NPNT: variants seen among roughly 807,000 people sequenced by gnomAD.
NPNT encodes the protein preosteoblast EGF-like repeat protein with MAM domain.
NPNT carries 45 observed loss-of-function variants against 68.6 expected under a neutral mutation model. That is an observed-to-expected ratio of 0.66 (90% CI 0.52 to 0.84). NPNT has a LOEUF of 0.84. NPNT is among the 40% of genes least tolerant of loss of function. The probability of loss-of-function intolerance (pLI) is 0.00; values close to 1 mark genes in which losing one functional copy is unlikely to be tolerated. For missense variants in NPNT, 672 were observed against 714.8 expected, an observed-to-expected ratio of 0.94 and a Z score of 0.68; for synonymous variants, 233 against 253.3, an observed-to-expected ratio of 0.92 and a Z score of 0.76.
chr4:105,966,820 G>T (rs956818351), intron 10 of NPNT, among the ~76,000 whole-genome samples: 4 of 152,066 alleles, frequency 2.6e-5, no homozygotes, highest in East Asian at 3.9e-4. Context: ...AAGCCAGATC[G>T]CCAGGGGTGT....
At chr4:105,897,841 A>G in intron 1 of NPNT, 60 bp from the exon 2 acceptor site, 1 of 1,344,726 alleles carries the variant, frequency 7.4e-7, no homozygotes, top group Non-Finnish European at 1.1e-6. Flanking sequence ...AATAATACAG[A>G]GGAAATTACC....
chr4:105,968,830 G>T, intron 11 of NPNT, 65 bp from the exon 12 acceptor site: 1 of 878,642 alleles, frequency 1.1e-6, no homozygotes, highest in Non-Finnish European at 1.8e-6. Flanking sequence ...CTTTATTTTT[G>T]CTTAATAAGG....
chr4:105,969,924 A>T lies in NPNT; in HGVS notation c.*934A>T, dbSNP rs1360290382. ...TTTAGAACTGTCACTGTTTCAAGTT[A>T]CACTTTAAAACCACAGCTTTTACCA... On this transcript the variant is annotated 3_prime_UTR_variant, in exon 12 of 12. Transcript: ENST00000379987. 6.5e-6 allele frequency: 1 copy of T among 154,546 alleles called. No homozygotes were observed. The highest frequency in any genetic ancestry group is 1.9e-4 in the East Asian group (1 of 5,242). 9.6% of individuals were successfully genotyped at this position (154,546 alleles called of 1,614,324 possible).
intron 2 of NPNT, among the ~76,000 whole-genome samples, chr4:105,900,838 T>G (rs1483930159): frequency 2.0e-5 from 3 of 150,648 alleles, no homozygotes; most frequent in Non-Finnish European, 4.4e-5. Flanking sequence ...TTGGTTGTTT[T>G]TTTTTTTTTT....
At chr4:105,918,604 T>C (rs1447571105) in intron 2 of NPNT, among the ~76,000 whole-genome samples, 1 of 152,190 alleles carries the variant, frequency 6.6e-6, no homozygotes, top group Non-Finnish European at 1.5e-5. Flanking sequence ...GTGTAATTAA[T>C]CACTGCCTGT....
intron 2 of NPNT, among the ~76,000 whole-genome samples, chr4:105,926,396 G>A (rs1397616207): frequency 2.0e-5 from 3 of 152,098 alleles, no homozygotes; most frequent in Non-Finnish European, 4.4e-5. Flanking sequence ...AGTCTGGCAC[G>A]ATGACATTTT....
rs1578557304 is a variant in NPNT at position 105,895,963 on chromosome 4, C to T, written c.71+240C>T. ...CATCCGCGGCCCCCCGAGGGCGACT[C>T]GCCCCGGCTCGGGAATTAGGACTGA... On this transcript the variant is annotated intron_variant, in intron 1 of 11. Coordinates refer to ENST00000379987, the MANE Select transcript of NPNT (RefSeq NM_001033047.3). 7.3e-6 allele frequency: 4 copies of T among 545,166 alleles called. 1 individual carries two copies. The South Asian group carries it at 8.9e-5, about 12-fold the overall frequency. 33.8% of individuals were successfully genotyped at this position (545,166 alleles called of 1,614,324 possible). A position where few individuals can be genotyped will look rare whatever the true frequency, so the allele number is the denominator to read the frequency against.
rs183230832 is a variant in NPNT at position 105,933,946 on chromosome 4, T to G, written c.266-3063T>G. ...GTGGTTTATTGTAAAGTTCTATCCT[T>G]TAGTATAAGATAAGCACATGAAATA... On this transcript the variant is annotated intron_variant, in intron 3 of 11. Transcript: ENST00000379987. Among the ~76,000 whole-genome samples the G allele has an allele frequency of 1.8e-4, 27 of 152,294 alleles. No individual in the cohort carries two copies. In the East Asian group the frequency reaches 4.0e-3, roughly 23 times the overall value.
At chr4:105,956,271 G>C (rs73836923) in intron 8 of NPNT, among the ~76,000 whole-genome samples, 1,817 of 151,936 alleles carry the variant, frequency 0.012, 43 homozygotes, top group African/African-American at 0.042. Flanking sequence ...CTTTCTTTGT[G>C]CTTGCTGCCT....
chr4:105,912,753 A>G (rs187447053), intron 2 of NPNT: 1 of 166,882 alleles, frequency 6.0e-6, no homozygotes, highest in Non-Finnish European at 1.2e-5. Context: ...CTTGTTTAAG[A>G]TATTTTTGGC....
At chr4:105,944,842 G>A (rs1730252773) in intron 8 of NPNT, among the ~76,000 whole-genome samples, 2 of 152,324 alleles carry the variant, frequency 1.3e-5, no homozygotes, top group South Asian at 4.1e-4. Context: ...TGTGGTTATA[G>A]CATATATTCT....
Position 105,971,208 on chromosome 4 carries a change from G to A in NPNT, c.*2218G>A. The A allele has an allele frequency of 2.2e-6, 1 of 454,318 alleles. No homozygotes were observed. The highest frequency in any genetic ancestry group is 4.4e-6 in the Non-Finnish European group (1 of 225,526). The allele number at this position is 454,318 out of a possible 1,614,324, so 28.1% of individuals were successfully genotyped here. ...GTTATCTTGGCTGCTGAGAAAGAGT[G>A]CCCTGCCCCACACCGGCAGACCTTT... is the stretch of plus-strand genomic sequence containing the variant. On this transcript the variant is annotated 3_prime_UTR_variant, in exon 12 of 12. Coordinates refer to ENST00000379987, the MANE Select transcript of NPNT (RefSeq NM_001033047.3).
At chr4:105,940,298 C>A in intron 6 of NPNT, 89 bp downstream of exon 6, 3 of 1,351,506 alleles carry the variant, frequency 2.2e-6, no homozygotes, top group Non-Finnish European at 3.1e-6. Context: ...ATGTCAGGGG[C>A]AGGGGAGAGT....
At position 105,968,916 on chromosome 4, in the gene NPNT, A is replaced by G. The variant is rs753058987; in HGVS notation, c.1624A>G (p.Arg542Gly). 23 of 1,612,372 alleles carry G rather than the reference A, an allele frequency of 1.4e-5. No homozygotes were observed. The African/African-American group carries it at 2.5e-4, about 18-fold the overall frequency. ...IKSVVFKGEK[R>G]RGHTGEIGLD... ...CTAGGTCGTCTTCAAAGGTGAAAAA[A>G]GGCGTGGTCACACTGGGGAGATTGG... The change falls in exon 12 of 12, where the codon AGG becomes GGG. Residue 542 changes from arginine to glycine, a missense_variant. Coordinates refer to ENST00000379987, the MANE Select transcript of NPNT (RefSeq NM_001033047.3).
At chr4:105,916,288 C>T (rs924962490) in intron 2 of NPNT, among the ~76,000 whole-genome samples, 13 of 151,782 alleles carry the variant, frequency 8.6e-5, no homozygotes, top group African/African-American at 3.1e-4. Context: ...GGTGCGAGCT[C>T]TGCTCACTGC....
intron 1 of NPNT, among the ~76,000 whole-genome samples, chr4:105,896,822 T>C (rs751819993): frequency 6.6e-6 from 1 of 152,148 alleles, no homozygotes; most frequent in Non-Finnish European, 1.5e-5. Context: ...AGTTCGGGGT[T>C]ATTTTGTACT....
At position 105,969,265 on chromosome 4, in the gene NPNT, C is replaced by T; in HGVS notation, c.*275C>T. On this transcript the variant is annotated 3_prime_UTR_variant, in exon 12 of 12. Transcript: ENST00000379987. ...GTGTCTCTTTCAGGAAGGCATTCAG[C>T]ATGCGTGAGCCATACCATCCTCCAT... 3.2e-6 allele frequency: 1 copy of T among 308,688 alleles called. No individual in the cohort carries two copies. The highest frequency in any genetic ancestry group is 6.1e-6 in the Non-Finnish European group (1 of 165,094). 19.1% of individuals were successfully genotyped at this position (308,688 alleles called of 1,614,324 possible). A position where few individuals can be genotyped will look rare whatever the true frequency, so the allele number is the denominator to read the frequency against.
Position 105,969,283 on chromosome 4 carries a change from T to C in NPNT, c.*293T>C, listed in dbSNP as rs902228273. Reference sequence around the variant, plus strand: ...CATTCAGCATGCGTGAGCCATACCATCCTCCATCCTGATTACAAGGTGCTC... The same window carrying C: ...CATTCAGCATGCGTGAGCCATACCACCCTCCATCCTGATTACAAGGTGCTC... On this transcript the variant is annotated 3_prime_UTR_variant, in exon 12 of 12. Transcript: ENST00000379987. The C allele has an allele frequency of 7.0e-5, 18 of 258,932 alleles. No homozygotes were observed. Among genetic ancestry groups the C allele is most frequent in the African/African-American group, 3.5e-4 (16 of 45,958 alleles). The allele number at this position is 258,932 out of a possible 1,614,324, so 16.0% of individuals were successfully genotyped here. A position where few individuals can be genotyped will look rare whatever the true frequency, so the allele number is the denominator to read the frequency against.
chr4:105,958,468 C>A lies in NPNT; in HGVS notation c.1160-3C>A, dbSNP rs775362148. ...ACAAAAACTCAAAACCTTTCTCTTG[C>A]AGTTCCACGGCAACCTTCAAATGAC... On this transcript the variant is annotated splice_region_variant and splice_polypyrimidine_tract_variant and intron_variant, in intron 8 of 11. Coordinates refer to ENST00000379987, the MANE Select transcript of NPNT (RefSeq NM_001033047.3). 1 of 1,596,886 alleles carries A rather than the reference C, an allele frequency of 6.3e-7. No homozygotes were observed. Among genetic ancestry groups the A allele is most frequent in the Non-Finnish European group, 8.6e-7 (1 of 1,165,604 alleles).
Sources: allele counts gnomAD v4.1 joint callset (sites outside exome capture counted in the v4.1 genomes callset), GRCh38; gene constraint gnomAD v4.1.1; transcripts MANE v1.5; gene names NCBI Gene and HGNC (gene_info 2026-07-23, HGNC 2026-07-21).